PCDHGA12: variants seen among roughly 807,000 people sequenced by gnomAD.
The protein encoded by PCDHGA12 is protocadherin gamma-A12.
In PCDHGA12, 43 loss-of-function variants were observed where a neutral mutation model predicts 61.1. That is an observed-to-expected ratio of 0.70 (90% CI 0.55 to 0.91). The LOEUF (loss-of-function observed/expected upper bound fraction) is 0.91, where lower values mean the gene tolerates loss of function less well. Among genes scored for constraint, PCDHGA12 ranks in the 40% least tolerant of loss-of-function variants. The probability of loss-of-function intolerance (pLI) is 0.00; values close to 1 mark genes in which losing one functional copy is unlikely to be tolerated. For synonymous variants in PCDHGA12, 520 were observed against 542.9 expected (o/e 0.96, Z 0.59); for missense variants, 1,236 against 1,227.7 (o/e 1.01, Z -0.10).
chr5:141,489,359 AG>A lies in PCDHGA12; in HGVS notation c.2425-5447del. On this transcript the variant is annotated intron_variant, in intron 1 of 3. Coordinates refer to ENST00000252085, the MANE Select transcript of PCDHGA12 (RefSeq NM_003735.3). The surrounding 1 kb of genome is among the most constrained non-coding windows in gnomAD (Gnocchi z 4.5). ...CGTTACTCAGTGGTGGAGGAGTCTG[AG>A]CCGGGGACGCTGGTGGGGAATGTTG... 1 of 1,613,110 alleles carries A rather than the reference AG, an allele frequency of 6.2e-7. No homozygotes were observed. The highest frequency in any genetic ancestry group is 1.1e-5 in the South Asian group (1 of 90,984).
rs763303627 is a variant in PCDHGA12 at position 141,489,719 on chromosome 5, C to T, written c.2425-5088C>T. The T allele has an allele frequency of 1.4e-5, 22 of 1,613,946 alleles. No homozygotes were observed. The highest frequency in any genetic ancestry group is 9.3e-5 in the African/African-American group (7 of 74,924). On this transcript the variant is annotated intron_variant, in intron 1 of 3. Coordinates refer to ENST00000252085, the MANE Select transcript of PCDHGA12 (RefSeq NM_003735.3). The surrounding 1 kb of genome is among the most constrained non-coding windows in gnomAD (Gnocchi z 4.5). ...TTCCCACTGGACAGTGCCCAGGATCCGGATGTGGGCACCAATACTGTGAGC... is the reference window on the plus strand; with the variant it reads ...TTCCCACTGGACAGTGCCCAGGATCTGGATGTGGGCACCAATACTGTGAGC...
At chr5:141,450,453 C>T (rs1202828231) in intron 1 of PCDHGA12, among the ~76,000 whole-genome samples, 3 of 152,058 alleles carry the variant, frequency 2.0e-5, no homozygotes, top group East Asian at 1.9e-4. Flanking sequence ...TATGTTTCCT[C>T]GTGATTTTAT....
At chr5:141,488,660 G>A (rs1274725688) in intron 1 of PCDHGA12, among the ~76,000 whole-genome samples, 1 of 152,148 alleles carries the variant, frequency 6.6e-6, no homozygotes, top group East Asian at 1.9e-4. Flanking sequence ...GGGAGGGTGG[G>A]GGAATACATG....
At chr5:141,470,202 A>G (rs928782890) in intron 1 of PCDHGA12, among the ~76,000 whole-genome samples, 9 of 152,216 alleles carry the variant, frequency 5.9e-5, no homozygotes, top group Non-Finnish European at 1.2e-4. Flanking sequence ...GATAAATATG[A>G]AGGCTAAACC....
Position 141,485,243 on chromosome 5 carries a change from C to A in PCDHGA12, c.2425-9564C>A. ...TACCCTTTTGTTCCTCTTTTACCACCTGGGTTACGTTTGTGGGCAGATCCG... is the reference window on the plus strand; with the variant it reads ...TACCCTTTTGTTCCTCTTTTACCACATGGGTTACGTTTGTGGGCAGATCCG... On this transcript the variant is annotated intron_variant, in intron 1 of 3. Transcript: ENST00000252085. This position sits in a 1 kb window ranked among gnomAD's most constrained non-coding sequence, Gnocchi z 5.7. 1 of 1,614,180 alleles carries A rather than the reference C, an allele frequency of 6.2e-7. No homozygotes were observed. The highest frequency in any genetic ancestry group is 8.5e-7 in the Non-Finnish European group (1 of 1,180,000).
rs776854254 is a variant in PCDHGA12 at position 141,487,285 on chromosome 5, C to T, written c.2425-7522C>T. On this transcript the variant is annotated intron_variant, in intron 1 of 3. Coordinates refer to ENST00000252085, the MANE Select transcript of PCDHGA12 (RefSeq NM_003735.3). This position sits in a 1 kb window ranked among gnomAD's most constrained non-coding sequence, Gnocchi z 5.0. The stretch of plus-strand genomic sequence containing the variant: ...CCCTAGTGGCAATTTGCTTTGTCTC[C>T]TTTGGCTCATTCGTGGCACTACTCT... 8 of 1,614,148 alleles carry T rather than the reference C, an allele frequency of 5.0e-6. No homozygotes were observed. The highest frequency in any genetic ancestry group is 6.8e-6 in the Non-Finnish European group (8 of 1,180,036).
chr5:141,449,681 G>A (rs2098651836), intron 1 of PCDHGA12, among the ~76,000 whole-genome samples: 1 of 149,394 alleles, frequency 6.7e-6, no homozygotes, highest in Non-Finnish European at 1.5e-5. Context: ...ATGTATATAT[G>A]TTTGTGTGTA....
Position 141,477,203 on chromosome 5 carries a change from G to T in PCDHGA12, c.2425-17604G>T. On this transcript the variant is annotated intron_variant, in intron 1 of 3. Coordinates refer to ENST00000252085, the MANE Select transcript of PCDHGA12 (RefSeq NM_003735.3). The surrounding 1 kb of genome is among the most constrained non-coding windows in gnomAD (Gnocchi z 4.9). ...CACCTCCGTGTACAGCCCAGTACCC[G>T]AGGATGCCCCTCTGGGGACTGTCAT... 1 of 1,614,176 alleles carries T rather than the reference G, an allele frequency of 6.2e-7. No individual in the cohort carries two copies. The highest frequency in any genetic ancestry group is 1.1e-5 in the South Asian group (1 of 91,082).
chr5:141,474,105 C>A (rs1292743515), intron 1 of PCDHGA12, among the ~76,000 whole-genome samples: 1 of 152,036 alleles, frequency 6.6e-6, no homozygotes, highest in African/African-American at 2.4e-5. Flanking sequence ...ACAACAAAAA[C>A]AACAACAACG....
chr5:141,431,867 A>C lies in PCDHGA12; in HGVS notation c.1108A>C (p.Asn370His). The change falls in exon 1 of 4, where the codon AAT becomes CAT. Residue 370 changes from asparagine (N) to histidine (H), a missense_variant. Transcript: ENST00000252085. The surrounding 1 kb of genome is among the most constrained non-coding windows in gnomAD (Gnocchi z 4.8). ...SPRGTLIALL[N>H]VNDQDSEENG... is the part of the protein sequence containing the mutation. ...CAGAGGGACATTAATTGCCCTTTTA[A>C]ATGTAAATGACCAAGATTCTGAGGA... 6.2e-7 allele frequency: 1 copy of C among 1,614,226 alleles called. No individual in the cohort carries two copies. Among genetic ancestry groups the C allele is most frequent in the Non-Finnish European group, 8.5e-7 (1 of 1,180,024 alleles).
intron 1 of PCDHGA12, 102 bp from the exon 2 acceptor site, chr5:141,494,705 G>A (rs2099756254): frequency 1.3e-6 from 2 of 1,597,990 alleles, no homozygotes; most frequent in East Asian, 2.2e-5. Context: ...TTTCTTCTCT[G>A]TGCCCACTCC....
In PCDHGA12 at chr5:141,442,072, C is replaced by G. The variant is rs1034351866; in HGVS notation, c.2424+8889C>G. On this transcript the variant is annotated intron_variant, in intron 1 of 3. Transcript: ENST00000252085. ...GTCGCGGTGCACTGCGGTGGACAGC[C>G]GCTCCTCTCGCTACCGCCACGTCAC... 17 of 175,092 alleles carry G rather than the reference C, an allele frequency of 9.7e-5. No homozygotes were observed. The South Asian group carries it at 1.5e-3, about 16-fold the overall frequency. 10.8% of individuals were successfully genotyped at this position (175,092 alleles called of 1,614,324 possible). A position where few individuals can be genotyped will look rare whatever the true frequency, so the allele number is the denominator to read the frequency against.
At chr5:141,473,439 A>G (rs2099322281) in intron 1 of PCDHGA12, among the ~76,000 whole-genome samples, 1 of 152,210 alleles carries the variant, frequency 6.6e-6, no homozygotes, top group African/African-American at 2.4e-5. Flanking sequence ...TTGCTTATGC[A>G]AAAATAATTA....
At chr5:141,438,710 G>C (rs568772648) in intron 1 of PCDHGA12, among the ~76,000 whole-genome samples, 2 of 147,308 alleles carry the variant, frequency 1.4e-5, no homozygotes, top group South Asian at 4.3e-4. Context: ...ACCCAGGCTG[G>C]AGTGCAAGTG....
intron 1 of PCDHGA12, among the ~76,000 whole-genome samples, chr5:141,435,303 A>G (rs2097757060): frequency 6.6e-6 from 1 of 152,192 alleles, no homozygotes; most frequent in Admixed American, 6.5e-5. Flanking sequence ...TCATGGTTTT[A>G]AATCATTCAT....
chr5:141,445,814 TA>T (rs1554133713), intron 1 of PCDHGA12, among the ~76,000 whole-genome samples: 1 of 152,182 alleles, frequency 6.6e-6, no homozygotes, highest in Non-Finnish European at 1.5e-5. Context: ...TAGATGAAAC[TA>T]ATAAGGCAGG....
chr5:141,465,348 A>G (rs886810999), intron 1 of PCDHGA12, among the ~76,000 whole-genome samples: 2 of 152,158 alleles, frequency 1.3e-5, no homozygotes, highest in African/African-American at 4.8e-5. Flanking sequence ...GTTACTGAAG[A>G]AAAAATGGGT....
chr5:141,508,901 C>T (rs1466455227), intron 3 of PCDHGA12, among the ~76,000 whole-genome samples: 1 of 151,946 alleles, frequency 6.6e-6, no homozygotes, highest in South Asian at 2.1e-4. Flanking sequence ...GGGGGCGGGG[C>T]GGTGGCGGAT....
intron 1 of PCDHGA12, chr5:141,441,364 C>T (rs533396852): frequency 6.6e-6 from 1 of 152,646 alleles, no homozygotes; most frequent in South Asian, 2.1e-4. Context: ...CAAATGGGGC[C>T]GTGGACCAGG....
Sources: gnomAD v4.1 joint callset for allele counts (sites outside exome capture counted in the v4.1 genomes callset) on GRCh38, gnomAD v4.1.1 for gene constraint, Gnocchi (gnomAD v3.1) non-coding constraint, MANE v1.5 for transcripts, NCBI Gene and HGNC (gene_info 2026-07-23, HGNC 2026-07-21) for gene names.